Variants in ESCO1 observed in about 807,000 individuals in gnomAD.
ESCO1 encodes establishment of sister chromatid cohesion N-acetyltransferase 1.
Under a neutral mutation model 83.5 loss-of-function variants are expected in ESCO1, and 33 were observed. The ratio of observed to expected loss-of-function variants is 0.40; its 90% CI spans 0.30 to 0.53. ESCO1 has a LOEUF of 0.53. Ranked by LOEUF, ESCO1 falls within the 20% of genes least tolerant of loss-of-function variation. The pLI is 0.63. For missense variants in ESCO1, 855 were observed against 968.0 expected (o/e 0.88, Z 1.55); for synonymous variants, 332 against 324.3 (o/e 1.02, Z -0.25).
At chr18:21,585,473 G>C (rs1462992241) in intron 1 of ESCO1, among the ~76,000 whole-genome samples, 1 of 151,984 alleles carries the variant, frequency 6.6e-6, no homozygotes, top group African/African-American at 2.4e-5. Context: ...CCTTTTATAA[G>C]ATCCATTGCC....
At chr18:21,595,679 A>C (rs2038755093) in intron 1 of ESCO1, among the ~76,000 whole-genome samples, 1 of 147,670 alleles carries the variant, frequency 6.8e-6, no homozygotes, top group African/African-American at 2.5e-5. Flanking sequence ...AAAAAAAAAA[A>C]TAGGCGGGGT....
chr18:21,568,984 C>T (rs2038300994), intron 4 of ESCO1, among the ~76,000 whole-genome samples: 1 of 152,050 alleles, frequency 6.6e-6, no homozygotes, highest in South Asian at 2.1e-4. Flanking sequence ...AATGTGGCTA[C>T]CAGGTAATTT....
At position 21,579,802 on chromosome 18, in the gene ESCO1, A is replaced by AGTG. The variant is rs1568109910; in HGVS notation, c.-693-4026_-693-4025insCAC. On this transcript the variant is annotated intron_variant, in intron 2 of 11. Coordinates refer to ENST00000269214, the MANE Select transcript of ESCO1 (RefSeq NM_052911.3). ...CACACACACGCGCGCGCGCACACAC[A>AGTG]CACACACACACACACACACACACAC... Among the ~76,000 whole-genome samples the AGTG allele has an allele frequency of 8.2e-3, 480 of 58,314 alleles. 7 individuals carry two copies. Among genetic ancestry groups the AGTG allele is most frequent in the African/African-American group, 0.02 (459 of 22,644 alleles). The allele number at this position is 58,314 out of a possible 152,430, so 38.3% of individuals were successfully genotyped here. A position where few individuals can be genotyped will look rare whatever the true frequency, so the allele number is the denominator to read the frequency against.
intron 1 of ESCO1, among the ~76,000 whole-genome samples, chr18:21,586,873 T>C (rs2038588973): frequency 1.3e-5 from 2 of 152,206 alleles, no homozygotes; most frequent in Admixed American, 6.5e-5. Context: ...TCTTGCATAC[T>C]GTTAGGTATG....
At chr18:21,577,161 C>G (rs1477902005) in intron 2 of ESCO1, among the ~76,000 whole-genome samples, 14 of 151,844 alleles carry the variant, frequency 9.2e-5, no homozygotes, top group Admixed American at 9.2e-4. Context: ...TCAAGACTAG[C>G]CTGGCCAACA....
intron 2 of ESCO1, among the ~76,000 whole-genome samples, chr18:21,583,679 A>C (rs1297783683): frequency 6.6e-6 from 1 of 152,106 alleles, no homozygotes; most frequent in Non-Finnish European, 1.5e-5. Flanking sequence ...TAGAGAAAGC[A>C]AACTAATCTA....
chr18:21,596,722 C>G (rs1488195685), intron 1 of ESCO1, among the ~76,000 whole-genome samples: 1 of 152,072 alleles, frequency 6.6e-6, no homozygotes, highest in Non-Finnish European at 1.5e-5. Context: ...GTAATCCCAG[C>G]TACTCGGGAG....
At chr18:21,565,729 G>A (rs918428241) in intron 6 of ESCO1, among the ~76,000 whole-genome samples, 2 of 152,144 alleles carry the variant, frequency 1.3e-5, no homozygotes, top group African/African-American at 4.8e-5. Flanking sequence ...TTGAGGCCAG[G>A]AGTTCGAGAC....
intron 8 of ESCO1, among the ~76,000 whole-genome samples, chr18:21,541,592 C>CAA (rs58040604): frequency 4.6e-5 from 4 of 86,800 alleles, no homozygotes; most frequent in Admixed American, 1.3e-4. Flanking sequence ...GACACTGTCC[C>CAA]AAAAAAAAAA....
At position 21,560,887 on chromosome 18, in the gene ESCO1, T is replaced by C. The variant is rs541876505; in HGVS notation, c.1925A>G (p.Asn642Ser). The part of the protein sequence containing the change: ...EDETQHLLFH[N>S]QFISAVKYVG... ...ATATTTAACAGCACTTATAAACTGGTTGTGGAAAAGCAGATGCTGTGTTTC... is the reference window on the plus strand; with the variant it reads ...ATATTTAACAGCACTTATAAACTGGCTGTGGAAAAGCAGATGCTGTGTTTC... The change falls in exon 8 of 12, where the codon AAC becomes AGC. Residue 642 changes from asparagine to serine, a missense_variant. Around this residue, in one of 2 missense-constraint regions of ESCO1, gnomAD observed 129 missense variants for 268.5 expected, o/e 0.48. Coordinates refer to ENST00000269214, the MANE Select transcript of ESCO1 (RefSeq NM_052911.3). The C allele has an allele frequency of 7.1e-5, 114 of 1,602,564 alleles. 2 individuals are homozygous for C. The South Asian group carries it at 1.2e-3, about 17-fold the overall frequency.
chr18:21,541,216 AAAAG>A (rs1402114193), intron 8 of ESCO1, among the ~76,000 whole-genome samples: 1 of 152,208 alleles, frequency 6.6e-6, no homozygotes, highest in East Asian at 1.9e-4. Context: ...TCAAGATTTG[AAAAG>A]AAAGGAGCAG....
chr18:21,597,025 A>C (rs2038777244), intron 1 of ESCO1: 1 of 152,224 alleles, frequency 6.6e-6, no homozygotes, highest in African/African-American at 2.4e-5. Context: ...TACGAGAGCA[A>C]AAGATTAAAA....
intron 1 of ESCO1, among the ~76,000 whole-genome samples, chr18:21,590,455 C>A (rs1198444244): frequency 3.3e-5 from 5 of 151,054 alleles, no homozygotes; most frequent in Non-Finnish European, 5.9e-5. Context: ...CTCCTGACCT[C>A]GTGATCCGCC....
intron 7 of ESCO1, 105 bp downstream of exon 7, chr18:21,564,097 CT>C: frequency 1.3e-6 from 1 of 768,848 alleles, no homozygotes. Flanking sequence ...AAATAAACCT[CT>C]TTTCTATAAA....
chr18:21,537,750 T>C (rs2037854067), intron 9 of ESCO1, among the ~76,000 whole-genome samples: 1 of 152,176 alleles, frequency 6.6e-6, no homozygotes, highest in African/African-American at 2.4e-5. Flanking sequence ...GAGGGTTCCT[T>C]CTAAGAAAAG....
intron 6 of ESCO1, 147 bp downstream of exon 6, chr18:21,565,999 T>C (rs1465551694): frequency 6.3e-6 from 4 of 631,878 alleles, no homozygotes; most frequent in Non-Finnish European, 1.1e-5. Flanking sequence ...TAGTAAACAG[T>C]ATGTATAGGC....
intron 8 of ESCO1, among the ~76,000 whole-genome samples, chr18:21,548,073 G>C (rs1216342514): frequency 1.3e-5 from 2 of 152,138 alleles, no homozygotes; most frequent in Admixed American, 1.3e-4. Context: ...CTGCACTCCA[G>C]CCAGGCCAAC....
Position 21,573,992 on chromosome 18 carries a change from C to T in ESCO1, c.852G>A (p.Val284=). The T allele has an allele frequency of 1.9e-6, 3 of 1,613,778 alleles. No homozygotes were observed. Among genetic ancestry groups the T allele is most frequent in the Non-Finnish European group, 2.5e-6 (3 of 1,180,010 alleles). The change falls in exon 4 of 12, where the codon GTG becomes GTA. Residue 284 remains valine, a synonymous_variant. Transcript: ENST00000269214. ...TTLPKSPQPS[V]PEQSDNELEQ... ...CCAGCTCATTATCACTTTGTTCAGGCACTGATGGCTGTGGACTTTTTGGGA... is the reference window on the plus strand; with the variant it reads ...CCAGCTCATTATCACTTTGTTCAGGTACTGATGGCTGTGGACTTTTTGGGA...
chr18:21,539,516 T>C (rs910217748), intron 9 of ESCO1, among the ~76,000 whole-genome samples: 1 of 152,158 alleles, frequency 6.6e-6, no homozygotes, highest in Non-Finnish European at 1.5e-5. Context: ...AGAATAGGTG[T>C]TTCAATATAC....
Sources: gnomAD v4.1 joint callset for allele counts (sites outside exome capture counted in the v4.1 genomes callset) on GRCh38, gnomAD v4.1.1 for gene constraint, gnomAD v4.1.1 regional missense constraint, MANE v1.5 for transcripts, NCBI Gene and HGNC (gene_info 2026-07-23, HGNC 2026-07-21) for gene names.